CSMD1: variants seen among roughly 807,000 people sequenced by gnomAD.
CSMD1 encodes CUB and sushi domain-containing protein 1.
CSMD1 carries 213 observed loss-of-function variants against 417.5 expected under a neutral mutation model. That is an observed-to-expected ratio of 0.51 (90% confidence interval 0.46 to 0.57). The LOEUF (loss-of-function observed/expected upper bound fraction) is 0.57, where lower values mean the gene tolerates loss of function less well. Among genes scored for constraint, CSMD1 ranks in the 20% least tolerant of loss-of-function variants. CSMD1 has a pLI of 0.00. For synonymous variants in CSMD1, 2,862 were observed against 1,736.8 expected, an observed-to-expected ratio of 1.65 and a Z score of -16.11; for missense variants, 6,923 against 4,529.7, an observed-to-expected ratio of 1.53 and a Z score of -15.17.
intron 7 of CSMD1, among the ~76,000 whole-genome samples, chr8:3,671,210 T>C (rs185426687): frequency 1.3e-3 from 185 of 147,428 alleles, no homozygotes; most frequent in Non-Finnish European, 2.2e-3. Context: ...GGGATCTATG[T>C]ATAGGGGATG....
chr8:4,456,890 C>T (rs1408697977), intron 2 of CSMD1, among the ~76,000 whole-genome samples: 1 of 151,354 alleles, frequency 6.6e-6, no homozygotes, highest in Non-Finnish European at 1.5e-5. Context: ...GAGAACACAC[C>T]CGTATTTGAA....
rs765219924 is a variant in CSMD1, at chr8:3,187,963, G to T, written c.5526C>A (p.Ile1842=). 3.0e-5 allele frequency: 48 copies of T among 1,611,404 alleles called. No individual in the cohort carries two copies. Among genetic ancestry groups the T allele is most frequent in the East Asian group, 2.2e-5 (1 of 44,808 alleles). ...IIVTEGSGIQ[I]QVISFATEQN... is the part of the protein sequence containing the mutation. Reference sequence around the variant, plus strand: ...GCTCCGTGGCAAAACTGATCACTTGGATCTACCAAACCATGACATTAAGTT... The same window carrying T: ...GCTCCGTGGCAAAACTGATCACTTGTATCTACCAAACCATGACATTAAGTT... Residue 1842 remains isoleucine (I), a splice_region_variant and synonymous_variant, in exon 36 of 70, where the codon ATC becomes ATA. Coordinates refer to ENST00000635120, the MANE Select transcript of CSMD1 (RefSeq NM_033225.6).
At chr8:4,439,321 C>A (rs539710782) in intron 2 of CSMD1, among the ~76,000 whole-genome samples, 24 of 152,126 alleles carry the variant, frequency 1.6e-4, no homozygotes, top group Admixed American at 3.3e-4. Flanking sequence ...GTAATCAATA[C>A]GTTAAATATA....
At chr8:3,698,830 G>A (rs1007200301) in intron 7 of CSMD1, among the ~76,000 whole-genome samples, 3 of 152,174 alleles carry the variant, frequency 2.0e-5, no homozygotes, top group Non-Finnish European at 2.9e-5. Flanking sequence ...GAAAATGTCC[G>A]TGGGAAAATG....
chr8:4,024,739 G>A (rs1213534716), intron 4 of CSMD1, among the ~76,000 whole-genome samples: 3 of 152,156 alleles, frequency 2.0e-5, no homozygotes, highest in African/African-American at 7.2e-5. Context: ...AGGAGCTACT[G>A]CAGGCCGCTC....
intron 17 of CSMD1, among the ~76,000 whole-genome samples, chr8:3,395,846 T>G (rs547315106): frequency 1.3e-5 from 2 of 152,296 alleles, no homozygotes; most frequent in East Asian, 3.9e-4. Context: ...AACATAATTT[T>G]AGTAATATAT....
At chr8:4,303,696 C>T (rs1585193980) in intron 3 of CSMD1, among the ~76,000 whole-genome samples, 1 of 151,994 alleles carries the variant, frequency 6.6e-6, no homozygotes, top group African/African-American at 2.4e-5. Flanking sequence ...TGCTCTCTTG[C>T]CCAGACTGGA....
intron 2 of CSMD1, among the ~76,000 whole-genome samples, chr8:4,542,675 T>A (rs1005043032): frequency 6.6e-6 from 1 of 152,214 alleles, no homozygotes; most frequent in East Asian, 1.9e-4. Context: ...CTGTATCTTA[T>A]GCGGCAGAAG....
intron 2 of CSMD1, among the ~76,000 whole-genome samples, chr8:4,575,890 G>A (rs966187043): frequency 5.3e-5 from 8 of 152,050 alleles, no homozygotes; most frequent in East Asian, 3.9e-4. Context: ...TTCATTCCCC[G>A]TGTTACAGCT....
chr8:3,076,050 C>CA (rs569471607), intron 49 of CSMD1, among the ~76,000 whole-genome samples: 109 of 108,988 alleles, frequency 1.0e-3, no homozygotes, highest in South Asian at 4.3e-3. Context: ...GACTCCGTCT[C>CA]AAAAAAAAGA....
chr8:3,413,647 G>C (rs756221174), intron 12 of CSMD1, among the ~76,000 whole-genome samples: 94 of 152,256 alleles, frequency 6.2e-4, no homozygotes, highest in African/African-American at 2.2e-3. Context: ...TTGCATTCTT[G>C]ACTTCTTACA....
chr8:3,419,763 A>C (rs1813373036), intron 12 of CSMD1, among the ~76,000 whole-genome samples: 1 of 152,270 alleles, frequency 6.6e-6, no homozygotes, highest in South Asian at 2.1e-4. Context: ...ATCTAGATTC[A>C]TTAAAAGAAA....
chr8:4,533,477 T>C (rs1294932308), intron 2 of CSMD1, among the ~76,000 whole-genome samples: 5 of 152,206 alleles, frequency 3.3e-5, no homozygotes, highest in Non-Finnish European at 7.3e-5. Context: ...ATCCTCCTAT[T>C]ATGCTCTTGG....
At chr8:3,375,422 C>G (rs1810243595) in intron 18 of CSMD1, among the ~76,000 whole-genome samples, 1 of 152,036 alleles carries the variant, frequency 6.6e-6, no homozygotes, top group Non-Finnish European at 1.5e-5. Flanking sequence ...TTTTCTTGTT[C>G]TCCTGAAACC....
At chr8:4,661,639 C>T (rs1281577080) in intron 1 of CSMD1, among the ~76,000 whole-genome samples, 2 of 152,090 alleles carry the variant, frequency 1.3e-5, no homozygotes, top group African/African-American at 4.8e-5. Context: ...TAAGGGGAAA[C>T]TGAGCAATAG....
intron 3 of CSMD1, among the ~76,000 whole-genome samples, chr8:4,326,503 G>C (rs547134713): frequency 6.6e-6 from 1 of 152,176 alleles, no homozygotes; most frequent in Non-Finnish European, 1.5e-5. Context: ...AGGAAAAAAG[G>C]TCCATAAACG....
At chr8:3,777,614 C>T (rs1313934347) in intron 5 of CSMD1, among the ~76,000 whole-genome samples, 4 of 152,208 alleles carry the variant, frequency 2.6e-5, no homozygotes, top group Non-Finnish European at 4.4e-5. Flanking sequence ...GAGATGCCTC[C>T]CCCACCAGCA....
chr8:3,242,606 G>C (rs960306021), intron 26 of CSMD1, among the ~76,000 whole-genome samples: 1 of 152,056 alleles, frequency 6.6e-6, no homozygotes, highest in Non-Finnish European at 1.5e-5. Context: ...AGGAATATAA[G>C]GCATTTAGGT....
intron 8 of CSMD1, 55 bp from the exon 9 acceptor site, chr8:3,586,315 TA>T (rs1399850393): frequency 6.9e-7 from 1 of 1,457,736 alleles, no homozygotes; most frequent in Non-Finnish European, 9.0e-7. Flanking sequence ...AAGACTTCTT[TA>T]GGAAAAAAAA....
Sources: gnomAD v4.1 joint callset for allele counts (sites outside exome capture counted in the v4.1 genomes callset) on GRCh38, gnomAD v4.1.1 for gene constraint, MANE v1.5 for transcripts, NCBI Gene and HGNC (gene_info 2026-07-23, HGNC 2026-07-21) for gene names.